MICU1: variants seen among roughly 807,000 people sequenced by gnomAD.
MICU1 encodes the protein calcium uptake protein 1, mitochondrial.
In MICU1, 45 loss-of-function variants were observed where a neutral mutation model predicts 56.8. The ratio of observed to expected loss-of-function variants is 0.79; its 90% CI spans 0.62 to 1.02. MICU1 has a LOEUF of 1.02. MICU1 is among the 50% of genes least tolerant of loss of function. MICU1 has a pLI of 0.00. For synonymous variants in MICU1, 186 were observed against 195.1 expected (o/e 0.95, Z 0.39); for missense variants, 504 against 587.1 (o/e 0.86, Z 1.46).
chr10:72,420,533 T>C (rs1299207282), intron 9 of MICU1, among the ~76,000 whole-genome samples: 2 of 152,214 alleles, frequency 1.3e-5, no homozygotes, highest in African/African-American at 4.8e-5. Flanking sequence ...TGGAACATTT[T>C]TAGTGCCAGG....
intron 5 of MICU1, among the ~76,000 whole-genome samples, chr10:72,518,954 T>C (rs982143477): frequency 3.3e-5 from 5 of 152,242 alleles, no homozygotes; most frequent in East Asian, 3.8e-4. Context: ...GTGTTGGGAT[T>C]ACAGGCGTGA....
intron 8 of MICU1, among the ~76,000 whole-genome samples, chr10:72,470,419 T>A (rs912879407): frequency 2.6e-5 from 4 of 152,182 alleles, no homozygotes; most frequent in Non-Finnish European, 4.4e-5. Context: ...AGAACAGAAG[T>A]TTATTTGGCT....
At chr10:72,595,597 C>T (rs765891254) in intron 1 of MICU1, among the ~76,000 whole-genome samples, 2 of 152,004 alleles carry the variant, frequency 1.3e-5, no homozygotes, top group Non-Finnish European at 2.9e-5. Flanking sequence ...TCATTCATGC[C>T]AATCTAAACA....
intron 2 of MICU1, among the ~76,000 whole-genome samples, chr10:72,565,124 T>C (rs1013499891): frequency 9.9e-6 from 1 of 101,310 alleles, no homozygotes; most frequent in Non-Finnish European, 2.1e-5. Flanking sequence ...CTACTAAAAA[T>C]ACAAAAAAAA....
intron 8 of MICU1, among the ~76,000 whole-genome samples, chr10:72,448,836 CA>C (rs1268833236): frequency 6.6e-6 from 1 of 152,070 alleles, no homozygotes; most frequent in Non-Finnish European, 1.5e-5. Context: ...AAAAAACAGC[CA>C]GGGAGAAAAT....
At chr10:72,456,956 T>TGA (rs1865488754) in intron 8 of MICU1, among the ~76,000 whole-genome samples, 1 of 149,280 alleles carries the variant, frequency 6.7e-6, no homozygotes. Context: ...GGTGTGTGTG[T>TGA]GTGTGTGTGT....
At chr10:72,450,467 A>G (rs1865260791) in intron 8 of MICU1, among the ~76,000 whole-genome samples, 1 of 151,966 alleles carries the variant, frequency 6.6e-6, no homozygotes, top group Non-Finnish European at 1.5e-5. Flanking sequence ...TGTTTCTGAC[A>G]GTGATTGTGC....
intron 4 of MICU1, among the ~76,000 whole-genome samples, chr10:72,539,266 C>T (rs1158979417): frequency 6.6e-6 from 1 of 152,130 alleles, no homozygotes; most frequent in Non-Finnish European, 1.5e-5. Flanking sequence ...CAGAACATTC[C>T]ATCCAACTGC....
intron 6 of MICU1, among the ~76,000 whole-genome samples, chr10:72,501,363 T>A (rs1867061952): frequency 6.6e-6 from 1 of 151,862 alleles, no homozygotes; most frequent in Non-Finnish European, 1.5e-5. Context: ...ACTGAAGACA[T>A]CAACAGCTAC....
At chr10:72,386,050 G>A (rs1359912557) in intron 10 of MICU1, among the ~76,000 whole-genome samples, 1 of 152,228 alleles carries the variant, frequency 6.6e-6, no homozygotes, top group Non-Finnish European at 1.5e-5. Flanking sequence ...AACTCCGGAT[G>A]AAAATGAAGG....
At chr10:72,551,148 C>T in intron 4 of MICU1, 31 bp downstream of exon 4, 1 of 1,557,586 alleles carries the variant, frequency 6.4e-7, no homozygotes, top group African/African-American at 1.4e-5. Flanking sequence ...AAATAAATAT[C>T]ACAGTCTTAT....
chr10:72,473,217 A>G (rs773050600), intron 8 of MICU1: 6 of 152,242 alleles, frequency 3.9e-5, no homozygotes, highest in Non-Finnish European at 7.3e-5. Context: ...GATAAAAACA[A>G]GTAAGATAGT....
intron 1 of MICU1, among the ~76,000 whole-genome samples, chr10:72,584,038 T>C (rs1840977799): frequency 6.6e-6 from 1 of 152,164 alleles, no homozygotes; most frequent in African/African-American, 2.4e-5. Flanking sequence ...AAAATGATAA[T>C]TGTAGAAACA....
At chr10:72,416,868 C>T (rs1203384933) in intron 9 of MICU1, among the ~76,000 whole-genome samples, 1 of 152,112 alleles carries the variant, frequency 6.6e-6, no homozygotes, top group Non-Finnish European at 1.5e-5. Flanking sequence ...TAAGCATTTA[C>T]CGCCACCATA....
intron 11 of MICU1, 105 bp downstream of exon 11, chr10:72,375,675 AGAG>A: frequency 1.0e-6 from 1 of 994,044 alleles, no homozygotes; most frequent in African/African-American, 1.7e-5. Flanking sequence ...GGTAGCTTGA[AGAG>A]GATGGGCTGG....
chr10:72,424,119 C>A (rs895077571), intron 8 of MICU1, among the ~76,000 whole-genome samples: 34 of 150,792 alleles, frequency 2.3e-4, no homozygotes, highest in Middle Eastern at 3.4e-3. Flanking sequence ...ATTTCCCCCC[C>A]ACCTTTTTTT....
intron 1 of MICU1, among the ~76,000 whole-genome samples, chr10:72,614,704 C>T (rs1841935931): frequency 1.3e-5 from 2 of 152,080 alleles, no homozygotes; most frequent in Admixed American, 1.3e-4. Context: ...ACATGAGGCA[C>T]CTAGCATAGT....
chr10:72,596,927 T>C (rs1841396986), intron 1 of MICU1, among the ~76,000 whole-genome samples: 1 of 150,290 alleles, frequency 6.7e-6, no homozygotes, highest in South Asian at 2.1e-4. Context: ...TAAACCCTGA[T>C]GTAAACTATG....
At chr10:72,451,024 CT>C (rs34430004) in intron 8 of MICU1, among the ~76,000 whole-genome samples, 273 of 115,016 alleles carry the variant, frequency 2.4e-3, no homozygotes, top group African/African-American at 5.8e-3. Flanking sequence ...TCCCTTAAAT[CT>C]TTTTTTTTTT....
Sources: gnomAD v4.1 joint callset for allele counts (sites outside exome capture counted in the v4.1 genomes callset) on GRCh38, gnomAD v4.1.1 for gene constraint, MANE v1.5 for transcripts, NCBI Gene and HGNC (gene_info 2026-07-23, HGNC 2026-07-21) for gene names.